NUP205: variants seen among roughly 807,000 people sequenced by gnomAD.
NUP205 encodes the protein nuclear pore complex protein Nup205.
In NUP205, 76 loss-of-function variants were observed where a neutral mutation model predicts 253.8. The ratio of observed to expected loss-of-function variants is 0.30; its 90% CI spans 0.25 to 0.36. NUP205 has a LOEUF of 0.36. Among genes scored for constraint, NUP205 ranks in the 10% least tolerant of loss-of-function variants. NUP205 has a pLI of 1.00. For missense variants in NUP205, 2,162 were observed against 2,425.5 expected, an observed-to-expected ratio of 0.89 and a Z score of 2.28; for synonymous variants, 832 against 850.1, an observed-to-expected ratio of 0.98 and a Z score of 0.37.
At chr7:135,628,829 G>A (rs747099287) in intron 34 of NUP205, among the ~76,000 whole-genome samples, 7 of 152,150 alleles carry the variant, frequency 4.6e-5, no homozygotes, top group Non-Finnish European at 8.8e-5. Context: ...ATCTCACCAA[G>A]GTAGATGCTG....
chr7:135,597,924 A>T, intron 14 of NUP205, 74 bp from the exon 15 acceptor site: 1 of 1,126,796 alleles, frequency 8.9e-7, no homozygotes. Flanking sequence ...TTAATATGTT[A>T]ATGTCTGCAT....
At chr7:135,592,030 AC>A (rs768918085) in intron 11 of NUP205, among the ~76,000 whole-genome samples, 25 of 152,244 alleles carry the variant, frequency 1.6e-4, no homozygotes, top group Non-Finnish European at 3.4e-4. Flanking sequence ...GACCAAAAAC[AC>A]TGTAAAAGGG....
In NUP205 at chr7:135,606,238, A is replaced by G. The variant is rs773297193; in HGVS notation, c.2905+12A>G. The G allele has an allele frequency of 2.0e-6, 3 of 1,511,248 alleles. No homozygotes were observed. In the South Asian group the frequency reaches 3.4e-5, roughly 17 times the overall value. 93.6% of individuals were successfully genotyped at this position (1,511,248 alleles called of 1,614,324 possible). A position where few individuals can be genotyped will look rare whatever the true frequency, so the allele number is the denominator to read the frequency against. ...ACGTCTGGAAGAGGGTATGCCTTAG[A>G]TTAATGTGCATACACGCATTCTTTT... On this transcript the variant is annotated intron_variant, in intron 20 of 42. Coordinates refer to ENST00000285968, the MANE Select transcript of NUP205 (RefSeq NM_015135.3).
At chr7:135,635,966 G>A (rs1012485904) in intron 36 of NUP205, among the ~76,000 whole-genome samples, 1 of 151,994 alleles carries the variant, frequency 6.6e-6, no homozygotes, top group Non-Finnish European at 1.5e-5. Context: ...CATAGTTTTG[G>A]TTACATTAAT....
At chr7:135,567,362 T>G (rs4732130) in intron 1 of NUP205, among the ~76,000 whole-genome samples, 53,999 of 134,570 alleles carry the variant, frequency 0.4, 11,195 homozygotes, top group Middle Eastern at 0.58. Flanking sequence ...GTGGGCAGGG[T>G]AGATTGCTTG....
chr7:135,638,511 G>A, intron 37 of NUP205, 46 bp from the exon 38 acceptor site: 1 of 1,577,010 alleles, frequency 6.3e-7, no homozygotes, highest in Non-Finnish European at 8.7e-7. Context: ...TGCTAATTGA[G>A]ACATTTCAGG....
chr7:135,621,738 C>T (rs1051709710), intron 30 of NUP205, among the ~76,000 whole-genome samples: 1 of 152,072 alleles, frequency 6.6e-6, no homozygotes, highest in African/African-American at 2.4e-5. Flanking sequence ...ATAAAAATAT[C>T]TGATTTTTTT....
chr7:135,629,511 G>A (rs151280883), intron 34 of NUP205, among the ~76,000 whole-genome samples: 1 of 69,252 alleles, frequency 1.4e-5, no homozygotes, highest in African/African-American at 5.2e-5. Flanking sequence ...CTCTCTCTCT[G>A]TCTCTCTCTC....
At chr7:135,561,317 C>T (rs544715441) in intron 1 of NUP205, among the ~76,000 whole-genome samples, 47 of 152,302 alleles carry the variant, frequency 3.1e-4, no homozygotes, top group African/African-American at 1.1e-3. Context: ...GCACTCCAGC[C>T]TAGGCAACAG....
intron 19 of NUP205, 94 bp downstream of exon 19, chr7:135,604,554 G>A (rs769422570): frequency 2.4e-6 from 3 of 1,265,000 alleles, no homozygotes; most frequent in Non-Finnish European, 3.3e-6. Context: ...TCATATTCTT[G>A]GTTGTGGAAA....
intron 1 of NUP205, among the ~76,000 whole-genome samples, chr7:135,559,758 C>T (rs1476333162): frequency 6.7e-6 from 1 of 149,776 alleles, no homozygotes; most frequent in African/African-American, 2.5e-5. Flanking sequence ...GTGGCGTGAT[C>T]TCGGCTCACT....
At chr7:135,587,746 C>A (rs1420527467) in intron 9 of NUP205, 55 bp downstream of exon 9, 2 of 1,526,932 alleles carry the variant, frequency 1.3e-6, no homozygotes, top group Non-Finnish European at 1.8e-6. Context: ...TTATTTTTTC[C>A]CCTAACTTTG....
chr7:135,584,897 C>A lies in NUP205; in HGVS notation c.1108C>A (p.Leu370Met), dbSNP rs1806413558. The change falls in exon 8 of 43, where the codon CTG becomes ATG. Residue 370 changes from leucine to methionine, a missense_variant. Leu to Met is a conservative substitution (Grantham distance 15). This residue lies in a region of NUP205 where 892 missense variants were observed against 957.1 expected (regional missense o/e 0.93). Coordinates refer to ENST00000285968, the MANE Select transcript of NUP205 (RefSeq NM_015135.3). ...AELAIADNVF[L>M]FLMESVVVSE... ...ACTCGCAATTGCTGACAACGTTTTCCTGTTCCTCATGGAATCTGTAGTGGT... is the reference window on the plus strand; with the variant it reads ...ACTCGCAATTGCTGACAACGTTTTCATGTTCCTCATGGAATCTGTAGTGGT... The A allele has an allele frequency of 1.2e-6, 2 of 1,613,918 alleles. No individual in the cohort carries two copies. The highest frequency in any genetic ancestry group is 1.7e-5 in the Admixed American group (1 of 60,012).
intron 34 of NUP205, 41 bp from the exon 35 acceptor site, chr7:135,630,303 C>A (rs770589168): frequency 7.1e-7 from 1 of 1,417,594 alleles, no homozygotes; most frequent in Non-Finnish European, 9.4e-7. Flanking sequence ...TTTTCTACTT[C>A]TACCTGTTTT....
chr7:135,570,032 TATATA>T (rs1563109334), intron 1 of NUP205, among the ~76,000 whole-genome samples: 5 of 51,440 alleles, frequency 9.7e-5, no homozygotes, highest in Admixed American at 2.7e-4. Context: ...TTATGTTTTA[TATATA>T]TATATATATA....
intron 15 of NUP205, among the ~76,000 whole-genome samples, chr7:135,600,198 G>T (rs779030256): frequency 2.0e-5 from 3 of 152,154 alleles, no homozygotes; most frequent in Non-Finnish European, 4.4e-5. Flanking sequence ...CTATGCAGTT[G>T]TATATAATTT....
chr7:135,569,771 ATAAAAGTATTCTGTATTTCTATGCTGTTT>A (rs1405647707), intron 1 of NUP205, among the ~76,000 whole-genome samples: 11 of 152,058 alleles, frequency 7.2e-5, no homozygotes, highest in Non-Finnish European at 1.5e-4. Flanking sequence ...ATATGAGTTT[ATAAAAGTATTCTGTATTTCTATGCTGTTT>A]TATAATAGCC....
In NUP205 at chr7:135,616,013, C is replaced by T; in HGVS notation, c.3408C>T (p.Thr1136=). 6.2e-7 allele frequency: 1 copy of T among 1,613,642 alleles called. No homozygotes were observed. Among genetic ancestry groups the T allele is most frequent in the Non-Finnish European group, 8.5e-7 (1 of 1,179,664 alleles). ...CTCTGAATCGTCAGCGGTCACATAC[C>T]CAGAGGCTCCTACACCTCTTACTGG... ...VTSLNRQRSH[T]QRLLHLLLDD... The change falls in exon 24 of 43, where the codon ACC becomes ACT. Residue 1136 remains threonine, a synonymous_variant. Coordinates refer to ENST00000285968, the MANE Select transcript of NUP205 (RefSeq NM_015135.3).
chr7:135,575,215 G>T (rs1175466394), intron 3 of NUP205, among the ~76,000 whole-genome samples: 1 of 152,194 alleles, frequency 6.6e-6, no homozygotes, highest in African/African-American at 2.4e-5. Flanking sequence ...ATGGTCCAGA[G>T]ATTTAGAGAT....
Sources: gnomAD v4.1 joint callset for allele counts (sites outside exome capture counted in the v4.1 genomes callset) on GRCh38, gnomAD v4.1.1 for gene constraint, gnomAD v4.1.1 regional missense constraint, MANE v1.5 for transcripts, NCBI Gene and HGNC (gene_info 2026-07-23, HGNC 2026-07-21) for gene names.